ELFN2: variants seen among roughly 807,000 people sequenced by gnomAD.
ELFN2 encodes the protein protein phosphatase 1 regulatory subunit 29.
In ELFN2, 17 loss-of-function variants were observed where a neutral mutation model predicts 45.5. The observed-to-expected ratio is 0.37, with a 90% confidence interval of 0.26 to 0.56. ELFN2 has a LOEUF of 0.56. ELFN2 is among the 20% of genes least tolerant of loss of function. The pLI is 0.77. For missense variants in ELFN2, 922 were observed against 1,183.2 expected, an observed-to-expected ratio of 0.78 and a Z score of 3.24; for synonymous variants, 550 against 551.5, an observed-to-expected ratio of 1.00 and a Z score of 0.04.
chr22:37,351,405 C>T lies in ELFN2; in HGVS notation n.149-8702G>A, dbSNP rs536395619. On this transcript the variant is annotated intron_variant and non_coding_transcript_variant, in intron 1 of 2. Transcript: ENST00000452946. ...CCAGAGCTGTCTGGAATCCTAATGC[C>T]CTAGCCCTGCCCTTCTCCACCTCCC... 2.0e-5 allele frequency among the ~76,000 whole-genome samples: 3 copies of T among 150,374 alleles called. No homozygotes were observed. In the East Asian group the frequency reaches 5.8e-4, roughly 29 times the overall value.
chr22:37,407,536 A>C (rs969830211), intron 2 of ELFN2, among the ~76,000 whole-genome samples: 3 of 152,116 alleles, frequency 2.0e-5, no homozygotes, highest in Non-Finnish European at 4.4e-5. Context: ...TAGAGAGTCC[A>C]CCCATAGGAT....
intron 2 of ELFN2, among the ~76,000 whole-genome samples, chr22:37,401,302 C>G (rs556142039): frequency 6.6e-6 from 1 of 152,226 alleles, no homozygotes; most frequent in South Asian, 2.1e-4. Context: ...ATATATAACA[C>G]TATCATTGTC....
rs201726267 is a variant in ELFN2 at position 37,373,999 on chromosome 22, G to A, written c.1536C>T (p.Asp512=). 1.2e-4 allele frequency: 199 copies of A among 1,612,900 alleles called. No homozygotes were observed. Among genetic ancestry groups the A allele is most frequent in the East Asian group, 2.0e-4 (9 of 44,872 alleles). Residue 512 remains aspartate, a synonymous_variant, in exon 3 of 3, where the codon GAC becomes GAT. Transcript: ENST00000402918. ...YIEVRTGAGG[D]GLARPEDDLP... ...GGTCATCCTCGGGCCGAGCCAGACC[G>A]TCCCCGCCGGCGCCTGTGCGCACCT...
intron 2 of ELFN2, among the ~76,000 whole-genome samples, chr22:37,410,399 T>A (rs970960054): frequency 6.6e-6 from 1 of 152,016 alleles, no homozygotes; most frequent in Non-Finnish European, 1.5e-5. Flanking sequence ...GCGCCTCACC[T>A]CTCTGGGCTG....
At chr22:37,407,795 T>C (rs1932543186) in intron 2 of ELFN2, among the ~76,000 whole-genome samples, 1 of 151,402 alleles carries the variant, frequency 6.6e-6, no homozygotes, top group Non-Finnish European at 1.5e-5. Flanking sequence ...CTCGGGAGGC[T>C]GAGGCAGGAA....
Position 37,375,227 on chromosome 22 carries a change from G to A in ELFN2, c.308C>T (p.Ser103Leu), listed in dbSNP as rs751898905. 2.5e-6 allele frequency: 4 copies of A among 1,613,950 alleles called. No homozygotes were observed. Among genetic ancestry groups the A allele is most frequent in the East Asian group, 2.2e-5 (1 of 44,884 alleles). Residue 103 changes from serine to leucine, a missense_variant, in exon 3 of 3, where the codon TCG becomes TTG. By Grantham distance (145) the Ser-to-Leu change is moderately radical. This residue lies in a region of ELFN2 where 358 missense variants were observed against 540.4 expected (regional missense o/e 0.66). Transcript: ENST00000402918. The part of the protein sequence containing the change: ...YIEDGAFLGQ[S>L]SLQVLQLGYN... ...GCCCAGCTGCAGGACCTGCAGGCTC[G>A]ACTGGCCCAGGAAGGCACCGTCCTC...
chr22:37,424,681 G>C (rs925988385), intron 1 of ELFN2, among the ~76,000 whole-genome samples: 7 of 71,148 alleles, frequency 9.8e-5, no homozygotes, highest in Non-Finnish European at 1.5e-4. Flanking sequence ...TGAGGGCGGC[G>C]GGGGGGGGGA....
intron 1 of ELFN2, among the ~76,000 whole-genome samples, chr22:37,420,773 G>A (rs758273401): frequency 2.6e-5 from 4 of 152,208 alleles, no homozygotes; most frequent in Non-Finnish European, 5.9e-5. Flanking sequence ...TCAACGAAAC[G>A]GAAGATGATT....
intron 2 of ELFN2, among the ~76,000 whole-genome samples, chr22:37,390,217 C>A (rs1932055324): frequency 6.6e-6 from 1 of 152,182 alleles, no homozygotes; most frequent in African/African-American, 2.4e-5. Flanking sequence ...CAGTAAACCC[C>A]AGCTCACAAG....
chr22:37,350,814 C>T (rs1336207588), intron 1 of ELFN2, among the ~76,000 whole-genome samples: 2 of 149,958 alleles, frequency 1.3e-5, no homozygotes, highest in Non-Finnish European at 3.0e-5. Flanking sequence ...CTCCAAGACC[C>T]GAGGCCTCCA....
chr22:37,411,722 C>G (rs1207820945), intron 2 of ELFN2, among the ~76,000 whole-genome samples: 2 of 152,226 alleles, frequency 1.3e-5, no homozygotes, highest in Non-Finnish European at 2.9e-5. Flanking sequence ...TAGCTTCTAG[C>G]TTCTCACGCA....
intron 2 of ELFN2, among the ~76,000 whole-genome samples, chr22:37,391,903 C>T (rs1184180718): frequency 6.6e-6 from 1 of 152,222 alleles, no homozygotes; most frequent in Admixed American, 6.5e-5. Flanking sequence ...GGGCCTGAGC[C>T]CAACTGGCCC....
Position 37,372,945 on chromosome 22 carries a change from G to GGTC in ELFN2, c.*124_*126dup. 1.9e-6 allele frequency: 2 copies of GGTC among 1,055,282 alleles called. No homozygotes were observed. Among genetic ancestry groups the GGTC allele is most frequent in the Non-Finnish European group, 2.7e-6 (2 of 750,512 alleles). 65.4% of individuals were successfully genotyped at this position (1,055,282 alleles called of 1,614,324 possible). On this transcript the variant is annotated 3_prime_UTR_variant, in exon 3 of 3. Transcript: ENST00000402918. The surrounding 1 kb of genome is among the most constrained non-coding windows in gnomAD (Gnocchi z 4.4). ...GTGTGTGTGTGCGTGCGTGCGTGCGGGTCTGCATGTGCGTCCTCTCCTGGG... is the reference window on the plus strand; with the variant it reads ...GTGTGTGTGTGCGTGCGTGCGTGCGGGTCGTCTGCATGTGCGTCCTCTCCTGGG...
intron 2 of ELFN2, among the ~76,000 whole-genome samples, chr22:37,407,725 A>G (rs1025654896): frequency 9.3e-5 from 14 of 151,264 alleles, no homozygotes; most frequent in Admixed American, 7.2e-4. Context: ...GTGAAACCCC[A>G]TCTCTACTAA....
intron 1 of ELFN2, among the ~76,000 whole-genome samples, chr22:37,355,217 G>A (rs1004266539): frequency 2.0e-5 from 3 of 152,232 alleles, no homozygotes; most frequent in African/African-American, 7.2e-5. Flanking sequence ...TCCCTGCTCA[G>A]TCTCACGTGG....
chr22:37,403,637 T>C (rs963303969), intron 2 of ELFN2, among the ~76,000 whole-genome samples: 1 of 151,986 alleles, frequency 6.6e-6, no homozygotes, highest in African/African-American at 2.4e-5. Flanking sequence ...CAAATTCACA[T>C]AGCAGGCCCT....
At chr22:37,392,735 T>C (rs960985932) in intron 2 of ELFN2, among the ~76,000 whole-genome samples, 1 of 152,224 alleles carries the variant, frequency 6.6e-6, no homozygotes, top group Non-Finnish European at 1.5e-5. Context: ...CACGCCACTG[T>C]ATATTTGCCC....
chr22:37,397,825 G>A (rs778090990), intron 2 of ELFN2, among the ~76,000 whole-genome samples: 6 of 152,060 alleles, frequency 3.9e-5, no homozygotes, highest in Non-Finnish European at 7.3e-5. Flanking sequence ...TTTTACAGGC[G>A]TTCTGGGAGG....
chr22:37,398,001 T>C (rs954671924), intron 2 of ELFN2, among the ~76,000 whole-genome samples: 1 of 152,096 alleles, frequency 6.6e-6, no homozygotes, highest in Admixed American at 6.5e-5. Context: ...AGGGTTGCTG[T>C]GTCAAATGAG....
Sources: allele counts gnomAD v4.1 joint callset (sites outside exome capture counted in the v4.1 genomes callset), GRCh38; gene constraint gnomAD v4.1.1; regional missense constraint gnomAD v4.1.1; non-coding constraint Gnocchi (gnomAD v3.1); transcripts MANE v1.5; gene names NCBI Gene and HGNC (gene_info 2026-07-23, HGNC 2026-07-21).